Variants in MORF4L1 observed in about 807,000 individuals in gnomAD.
MORF4L1 encodes mortality factor 4-like protein 1.
In MORF4L1, 4 loss-of-function variants were observed where a neutral mutation model predicts 52.9. That is an observed-to-expected ratio of 0.08 (90% CI 0.04 to 0.17). The LOEUF is 0.17. Among genes scored for constraint, MORF4L1 ranks in the 10% least tolerant of loss-of-function variants. The probability of loss-of-function intolerance (pLI) is 1.00; values close to 1 mark genes in which losing one functional copy is unlikely to be tolerated. For missense variants in MORF4L1, 214 were observed against 390.4 expected (o/e 0.55, Z 3.81); for synonymous variants, 123 against 134.8 (o/e 0.91, Z 0.61).
rs925386431 is a variant in MORF4L1 at position 78,897,317 on chromosome 15, G to A, written c.*250G>A. ...ACAACAGAGGGATATGCTGTAGAGT[G>A]TTTTATTGCCTAGTTGACAAAGCTG... On this transcript the variant is annotated 3_prime_UTR_variant, in exon 12 of 12. Transcript: ENST00000426013. 5 of 324,492 alleles carry A rather than the reference G, an allele frequency of 1.5e-5. No individual in the cohort carries two copies. The highest frequency in any genetic ancestry group is 3.0e-5 in the Non-Finnish European group (5 of 167,130). 20.1% of individuals were successfully genotyped at this position (324,492 alleles called of 1,614,324 possible).
chr15:78,893,997 T>G (rs907766482), intron 9 of MORF4L1, 61 bp from the exon 10 acceptor site: 3 of 1,451,660 alleles, frequency 2.1e-6, no homozygotes, highest in Admixed American at 2.0e-5. Context: ...ATTGGTTGAA[T>G]TATTCTCTAT....
rs201235103 is a variant in MORF4L1, at chr15:78,887,287, G to A, written c.261G>A (p.Gly87=). The change falls in exon 5 of 12, where the codon GGG becomes GGA. Residue 87 remains glycine, a synonymous_variant. Coordinates refer to ENST00000426013, the MANE Select transcript of MORF4L1 (RefSeq NM_006791.4). The part of the protein sequence containing the change: ...QKANQEQYAE[G]KMRGAAPGKK... ...TTTGAAGGGAGCAGTATGCAGAGGG[G>A]AAGATGAGAGGGGCTGCCCCAGGAA... 2.4e-5 allele frequency: 38 copies of A among 1,611,426 alleles called. No individual in the cohort carries two copies. The East Asian group carries it at 7.6e-4, about 32-fold the overall frequency.
At chr15:78,877,892 T>C (rs984611776) in intron 1 of MORF4L1, 3 of 229,208 alleles carry the variant, frequency 1.3e-5, no homozygotes, top group South Asian at 1.6e-4. Context: ...TTTTCAGATA[T>C]ATAGTTAAAA....
At chr15:78,884,747 G>A (rs1020418215) in intron 3 of MORF4L1, among the ~76,000 whole-genome samples, 2 of 149,596 alleles carry the variant, frequency 1.3e-5, no homozygotes, top group Admixed American at 6.7e-5. Flanking sequence ...TTTAAAATTC[G>A]TACAACAAAA....
chr15:78,890,323 C>G (rs2056777897), intron 5 of MORF4L1, among the ~76,000 whole-genome samples: 1 of 151,304 alleles, frequency 6.6e-6, no homozygotes, highest in African/African-American at 2.4e-5. Context: ...AAAAATTACA[C>G]AAATCTAAAA....
rs1312650901 is a variant in MORF4L1 at position 78,890,354 on chromosome 15, A to G, written c.324-635A>G. 2.0e-5 allele frequency among the ~76,000 whole-genome samples: 3 copies of G among 152,224 alleles called. No homozygotes were observed. The East Asian group carries it at 5.8e-4, about 29-fold the overall frequency. On this transcript the variant is annotated intron_variant, in intron 5 of 11. Coordinates refer to ENST00000426013, the MANE Select transcript of MORF4L1 (RefSeq NM_006791.4). The stretch of plus-strand genomic sequence containing the variant: ...TAAAAATATTTTGGGGAACAAAAAT[A>G]ATTGGAAAAAAATTTTAACCTTTGA...
chr15:78,884,027 A>C (rs1312089508), intron 3 of MORF4L1, among the ~76,000 whole-genome samples: 1 of 151,280 alleles, frequency 6.6e-6, no homozygotes, highest in African/African-American at 2.4e-5. Flanking sequence ...AACATGATGA[A>C]ATCCCGTCTC....
chr15:78,894,765 G>C, intron 10 of MORF4L1, 55 bp from the exon 11 acceptor site: 1 of 1,298,126 alleles, frequency 7.7e-7, no homozygotes, highest in Non-Finnish European at 1.1e-6. Flanking sequence ...AAAATACATG[G>C]TTGTAGTGCC....
intron 11 of MORF4L1, among the ~76,000 whole-genome samples, chr15:78,896,658 C>T (rs2056895770): frequency 6.6e-6 from 1 of 152,050 alleles, no homozygotes; most frequent in Non-Finnish European, 1.5e-5. Flanking sequence ...TAGGGTAATG[C>T]TGTCATGTAA....
At chr15:78,888,189 G>A (rs1232268846) in intron 5 of MORF4L1, among the ~76,000 whole-genome samples, 1 of 152,172 alleles carries the variant, frequency 6.6e-6, no homozygotes, top group Admixed American at 6.5e-5. Context: ...AGGACGGTGC[G>A]GTGGCTCACA....
intron 6 of MORF4L1, chr15:78,891,225 G>T (rs961310132): frequency 2.9e-6 from 2 of 687,932 alleles, no homozygotes; most frequent in Non-Finnish European, 5.0e-6. Flanking sequence ...ATCTGCTTTA[G>T]TCTTAATGTC....
Position 78,892,322 on chromosome 15 carries a change from A to G in MORF4L1, c.540+9A>G, listed in dbSNP as rs1309734472. 6.3e-7 allele frequency: 1 copy of G among 1,589,850 alleles called. No individual in the cohort carries two copies. The highest frequency in any genetic ancestry group is 1.1e-5 in the South Asian group (1 of 90,470). On this transcript the variant is annotated intron_variant, in intron 8 of 11. Transcript: ENST00000426013. ...TTACCAGGCAAAAACAGGTAACTTG[A>G]AAAGCTACCCAGATTGTTAAGCTAT... is the stretch of plus-strand genomic sequence containing the variant.
chr15:78,891,118 T>G (rs1412225822), intron 6 of MORF4L1, 104 bp downstream of exon 6: 1 of 1,281,100 alleles, frequency 7.8e-7, no homozygotes. Flanking sequence ...TGTTTATTGA[T>G]TATCTCAAAT....
intron 8 of MORF4L1, chr15:78,892,522 A>G (rs778306267): frequency 7.0e-6 from 3 of 430,344 alleles, no homozygotes; most frequent in Non-Finnish European, 1.2e-5. Flanking sequence ...TTATGAGGTT[A>G]TAATGATAAA....
intron 9 of MORF4L1, 65 bp downstream of exon 9, chr15:78,893,692 C>G: frequency 9.1e-7 from 1 of 1,101,244 alleles, no homozygotes. Flanking sequence ...AATAAGTCAT[C>G]TGAAACTTGT....
At chr15:78,888,793 T>TC (rs1296712391) in intron 5 of MORF4L1, among the ~76,000 whole-genome samples, 1 of 152,172 alleles carries the variant, frequency 6.6e-6, no homozygotes, top group Non-Finnish European at 1.5e-5. Flanking sequence ...CTTTTTATTT[T>TC]TTTTTAAACT....
chr15:78,890,930 T>A, intron 5 of MORF4L1, 59 bp from the exon 6 acceptor site: 1 of 1,356,578 alleles, frequency 7.4e-7, no homozygotes, highest in Non-Finnish European at 9.7e-7. Context: ...ATAAAGGGAG[T>A]TGAAACAGAG....
At chr15:78,880,155 A>G (rs1264623245) in intron 2 of MORF4L1, among the ~76,000 whole-genome samples, 1 of 152,212 alleles carries the variant, frequency 6.6e-6, no homozygotes, top group Non-Finnish European at 1.5e-5. Context: ...AAGTTTTTTT[A>G]TAATATAGTT....
chr15:78,894,804 T>A lies in MORF4L1; in HGVS notation c.803-16T>A, dbSNP rs370286818. On this transcript the variant is annotated splice_polypyrimidine_tract_variant and intron_variant, in intron 10 of 11. Transcript: ENST00000426013. Reference sequence around the variant, plus strand: ...GCCTTGGATGTAACTTTGGATAAATTCTCTTGTTTAAACAGTACGAATTGG... The same window carrying A: ...GCCTTGGATGTAACTTTGGATAAATACTCTTGTTTAAACAGTACGAATTGG... 6.3e-7 allele frequency: 1 copy of A among 1,598,050 alleles called. No homozygotes were observed. The highest frequency in any genetic ancestry group is 2.2e-5 in the East Asian group (1 of 44,766).
Sources: gnomAD v4.1 joint callset for allele counts (sites outside exome capture counted in the v4.1 genomes callset) on GRCh38, gnomAD v4.1.1 for gene constraint, MANE v1.5 for transcripts, NCBI Gene and HGNC (gene_info 2026-07-23, HGNC 2026-07-21) for gene names.